The following RCC1L variants were observed in gnomAD, a reference collection of about 807,000 sequenced individuals.
The protein encoded by RCC1L is RCC1-like G exchanging factor-like protein.
Under a neutral mutation model 58.6 loss-of-function variants are expected in RCC1L, and 46 were observed. That is an observed-to-expected ratio of 0.79 (90% CI 0.62 to 1.00). The LOEUF (loss-of-function observed/expected upper bound fraction) is 1.00. Ranked by LOEUF, RCC1L falls within the 50% of genes least tolerant of loss-of-function variation. The pLI is 0.00. For missense variants in RCC1L, 636 were observed against 623.6 expected, an observed-to-expected ratio of 1.02 and a Z score of -0.21; for synonymous variants, 281 against 262.9, an observed-to-expected ratio of 1.07 and a Z score of -0.67.
intron 10 of RCC1L, among the ~76,000 whole-genome samples, chr7:75,031,750 A>G (rs890132331): frequency 1.3e-5 from 2 of 152,146 alleles, no homozygotes; most frequent in African/African-American, 4.8e-5. Context: ...TAACATGATC[A>G]TTATTTATAG....
At chr7:75,056,123 C>T in intron 8 of RCC1L, 49 bp from the exon 9 acceptor site, 1 of 1,607,288 alleles carries the variant, frequency 6.2e-7, no homozygotes, top group Non-Finnish European at 8.5e-7. Context: ...AAGTAAGAAC[C>T]TCCCTCACCA....
chr7:75,052,118 T>C (rs1365261285), intron 10 of RCC1L, among the ~76,000 whole-genome samples: 3 of 152,204 alleles, frequency 2.0e-5, no homozygotes, highest in African/African-American at 7.2e-5. Flanking sequence ...TTTTGTCTAA[T>C]TGCATACTAC....
chr7:75,070,729 G>A lies in RCC1L; in HGVS notation c.365C>T (p.Ser122Phe). The change falls in exon 2 of 11, where the codon TCC becomes TTC. Residue 122 changes from serine to phenylalanine, a missense_variant. Ser to Phe is a radical substitution (Grantham distance 155, BLOSUM62 -2). Transcript: ENST00000610322. Reference protein sequence around the residue: ...AACGYGFTLLSSKTADVTKVW... With the variant: ...AACGYGFTLLFSKTADVTKVW... ...TTTCGTAACATCCGCAGTCTTAGAG[G>A]ACAGCAGTGTGAATCCATAGCCGCA... is the stretch of plus-strand genomic sequence containing the variant. The A allele has an allele frequency of 6.2e-7, 1 of 1,614,096 alleles. No homozygotes were observed. The highest frequency in any genetic ancestry group is 8.5e-7 in the Non-Finnish European group (1 of 1,180,012).
chr7:75,034,431 G>A (rs1481258160), intron 10 of RCC1L, among the ~76,000 whole-genome samples: 1 of 152,118 alleles, frequency 6.6e-6, no homozygotes, highest in African/African-American at 2.4e-5. Context: ...CAGGAGAATC[G>A]CTTGAACCAG....
rs990803412 is a variant in RCC1L at position 75,032,643 on chromosome 7, G to A, written c.1318-4564C>T. ...CTGCCTCACCCTTGGCCCACAGGAA[G>A]AGAACCTGGAGACCGGGAGTGAAAA... is the stretch of plus-strand genomic sequence containing the variant. On this transcript the variant is annotated intron_variant, in intron 10 of 10. Coordinates refer to the RCC1L transcript ENST00000614461. 2.6e-5 allele frequency among the ~76,000 whole-genome samples: 4 copies of A among 152,258 alleles called. No individual in the cohort carries two copies. In the East Asian group the frequency reaches 7.7e-4, roughly 29 times the overall value.
chr7:75,049,527 G>A (rs1050285274), intron 10 of RCC1L, among the ~76,000 whole-genome samples: 1 of 151,990 alleles, frequency 6.6e-6, no homozygotes, highest in African/African-American at 2.4e-5. Flanking sequence ...TGTGGTGCTG[G>A]CACATGCCTG....
At chr7:75,054,369 TAGA>T (rs1806012723) in intron 9 of RCC1L, among the ~76,000 whole-genome samples, 1 of 151,966 alleles carries the variant, frequency 6.6e-6, no homozygotes, top group Non-Finnish European at 1.5e-5. Flanking sequence ...AACTCACCCT[TAGA>T]AGGAGGCCTG....
At chr7:75,066,826 C>T (rs1806509336) in intron 2 of RCC1L, 34 bp from the exon 3 acceptor site, 1 of 1,580,136 alleles carries the variant, frequency 6.3e-7, no homozygotes, top group Non-Finnish European at 8.6e-7. Context: ...TTGAGGCATG[C>T]ATTTCTACCA....
chr7:75,039,615 G>A (rs1395476242), downstream of RCC1L, among the ~76,000 whole-genome samples: 12 of 152,246 alleles, frequency 7.9e-5, no homozygotes, highest in African/African-American at 2.4e-4. Context: ...CAAACTGTCC[G>A]AGGGAGATGG....
chr7:75,071,778 A>G (rs900849657), intron 1 of RCC1L, among the ~76,000 whole-genome samples: 8 of 152,076 alleles, frequency 5.3e-5, no homozygotes, highest in Non-Finnish European at 1.0e-4. Flanking sequence ...CTTTACCTCT[A>G]TATCTGTTTC....
chr7:75,029,446 T>C (rs1472629866), intron 10 of RCC1L, among the ~76,000 whole-genome samples: 1 of 150,014 alleles, frequency 6.7e-6, no homozygotes, highest in Non-Finnish European at 1.5e-5. Context: ...CAGGTTCAAG[T>C]GATTCTCCTG....
intron 4 of RCC1L, among the ~76,000 whole-genome samples, chr7:75,064,305 G>C (rs1584501786): frequency 3.4e-5 from 5 of 148,950 alleles, no homozygotes; most frequent in African/African-American, 9.9e-5. Context: ...ACTCTGGCCT[G>C]GCGACAGAGC....
chr7:75,059,425 C>T lies in RCC1L; in HGVS notation c.788-656G>A, dbSNP rs868941496. Among the ~76,000 whole-genome samples the T allele has an allele frequency of 4.5e-3, 677 of 151,952 alleles. 12 individuals are homozygous for T. The highest frequency in any genetic ancestry group is 0.038 in the South Asian group (181 of 4,816). Reference sequence around the variant, plus strand: ...AGCTGAGATTACAGGCACGCACCACCACAGCCGGCTAATTTTTGTATTTTT... The same window carrying T: ...AGCTGAGATTACAGGCACGCACCACTACAGCCGGCTAATTTTTGTATTTTT... On this transcript the variant is annotated intron_variant, in intron 6 of 10. Coordinates refer to ENST00000610322, the MANE Select transcript of RCC1L (RefSeq NM_030798.5).
chr7:75,051,385 C>CATATATATATACACACAT (rs1805910764), intron 10 of RCC1L, among the ~76,000 whole-genome samples: 1 of 149,550 alleles, frequency 6.7e-6, no homozygotes, highest in African/African-American at 2.5e-5. Flanking sequence ...TATATACACA[C>CATATATATATACACACAT]ATATATATAT....
intron 10 of RCC1L, among the ~76,000 whole-genome samples, chr7:75,048,300 A>G (rs1326508474): frequency 6.6e-6 from 1 of 150,614 alleles, no homozygotes; most frequent in African/African-American, 2.4e-5. Context: ...ACCACCACCT[A>G]AGACCCAGGG....
intron 5 of RCC1L, among the ~76,000 whole-genome samples, chr7:75,062,877 C>T (rs916059429): frequency 9.9e-5 from 15 of 152,242 alleles, no homozygotes; most frequent in African/African-American, 3.6e-4. Flanking sequence ...CAGCTCATTG[C>T]AGCCTCCACC....
At chr7:75,048,864 A>G (rs1805825929) in intron 10 of RCC1L, among the ~76,000 whole-genome samples, 1 of 152,216 alleles carries the variant, frequency 6.6e-6, no homozygotes, top group Non-Finnish European at 1.5e-5. Flanking sequence ...CATTGTCTTA[A>G]AAGTCAGATG....
Position 75,058,681 on chromosome 7 carries a change from A to G in RCC1L, c.876T>C (p.Gly292=). Residue 292 remains glycine, a synonymous_variant, in exon 7 of 11, where the codon GGT becomes GGC. Transcript: ENST00000610322. ...CGGCGGACACGGCCAGGCAGCAATC[A>G]CCGTAGGTGGCAACTTGGATAACGT... The part of the protein sequence containing the change: ...GVNVIQVATY[G]DCCLAVSADG... The G allele has an allele frequency of 1.2e-6, 2 of 1,613,856 alleles. No individual in the cohort carries two copies. Among genetic ancestry groups the G allele is most frequent in the South Asian group, 1.1e-5 (1 of 91,072 alleles).
At chr7:75,032,081 G>C (rs994783545) in intron 10 of RCC1L, among the ~76,000 whole-genome samples, 1 of 152,140 alleles carries the variant, frequency 6.6e-6, no homozygotes, top group African/African-American at 2.4e-5. Flanking sequence ...GGTGTGATAC[G>C]GCCCAACTCT....
Sources: gnomAD v4.1 joint callset for allele counts (sites outside exome capture counted in the v4.1 genomes callset) on GRCh38, gnomAD v4.1.1 for gene constraint, MANE v1.5 for transcripts, NCBI Gene and HGNC (gene_info 2026-07-23, HGNC 2026-07-21) for gene names.